MGRN1: variants seen among roughly 807,000 people sequenced by gnomAD.
MGRN1 encodes mahogunin ring finger 1, also known as E3 ubiquitin-protein ligase MGRN1.
A neutral mutation model predicts 69.2 loss-of-function variants in MGRN1; 29 were observed. The observed-to-expected ratio is 0.42, with a 90% CI of 0.31 to 0.57. The LOEUF (loss-of-function observed/expected upper bound fraction) is 0.57. Among genes scored for constraint, MGRN1 ranks in the 20% least tolerant of loss-of-function variants. The pLI, the probability that MGRN1 is intolerant of heterozygous loss-of-function variation, is 0.15. For missense variants in MGRN1, 998 were observed against 796.2 expected, an observed-to-expected ratio of 1.25 and a Z score of -3.05; for synonymous variants, 470 against 344.2, an observed-to-expected ratio of 1.37 and a Z score of -4.04.
intron 11 of MGRN1, among the ~76,000 whole-genome samples, chr16:4,677,912 A>T (rs1224309168): frequency 6.7e-6 from 1 of 149,912 alleles, no homozygotes; most frequent in East Asian, 2.0e-4. Flanking sequence ...AAAGTGGTGC[A>T]ATGTCAGCTC....
rs555718012 is a variant in MGRN1 at position 4,651,878 on chromosome 16, G to C, written c.208-85G>C. 18 of 1,188,988 alleles carry C rather than the reference G, an allele frequency of 1.5e-5. No individual in the cohort carries two copies. In the African/African-American group the frequency reaches 2.7e-4, roughly 18 times the overall value. The allele number at this position is 1,188,988 out of a possible 1,614,324, so 73.7% of individuals were successfully genotyped here. A position where few individuals can be genotyped will look rare whatever the true frequency, so the allele number is the denominator to read the frequency against. On this transcript the variant is annotated intron_variant, in intron 2 of 16. Transcript: ENST00000262370. ...ACTAGATCCCAGGGATACCCTCTGG[G>C]GCTGTGGCTGCTGCACCCTGACCCG...
intron 1 of MGRN1, among the ~76,000 whole-genome samples, chr16:4,635,187 G>A (rs1014005023): frequency 2.6e-5 from 4 of 152,230 alleles, no homozygotes; most frequent in Middle Eastern, 3.4e-3. Context: ...TGAGGCAGGC[G>A]GATCACTTGA....
At chr16:4,675,783 A>G (rs1335838298) in intron 10 of MGRN1, among the ~76,000 whole-genome samples, 1 of 150,358 alleles carries the variant, frequency 6.7e-6, no homozygotes, top group Admixed American at 6.6e-5. Context: ...TATGCTGGGT[A>G]GAAAATTGAC....
chr16:4,683,075 G>C (rs1315099594), intron 14 of MGRN1, 129 bp downstream of exon 14: 1 of 1,490,576 alleles, frequency 6.7e-7, no homozygotes, highest in Non-Finnish European at 9.1e-7. Context: ...TTGCTGAGCT[G>C]CGCGGCTCCT....
At chr16:4,643,717 G>A (rs541333441) in intron 1 of MGRN1, among the ~76,000 whole-genome samples, 2 of 152,066 alleles carry the variant, frequency 1.3e-5, no homozygotes, top group African/African-American at 2.4e-5. Flanking sequence ...CAAAATATGC[G>A]CACCAATTGA....
chr16:4,664,590 C>T (rs187183035), intron 5 of MGRN1, 119 bp from the exon 6 acceptor site: 111 of 1,046,398 alleles, frequency 1.1e-4, no homozygotes, highest in Non-Finnish European at 1.5e-4. Context: ...GGCGTGTCCT[C>T]TGAGCTCTGC....
intron 1 of MGRN1, among the ~76,000 whole-genome samples, chr16:4,639,572 C>T (rs944821295): frequency 6.6e-6 from 1 of 152,204 alleles, no homozygotes; most frequent in Non-Finnish European, 1.5e-5. Context: ...CTGCCTATGA[C>T]TTGGGCATCC....
At chr16:4,634,084 C>T (rs1898154373) in intron 1 of MGRN1, among the ~76,000 whole-genome samples, 1 of 152,222 alleles carries the variant, frequency 6.6e-6, no homozygotes. Context: ...GTGGGAGGAG[C>T]ACTAGCTTCA....
chr16:4,667,077 C>T (rs906966629), intron 7 of MGRN1, among the ~76,000 whole-genome samples: 2 of 152,228 alleles, frequency 1.3e-5, no homozygotes, highest in African/African-American at 4.8e-5. Flanking sequence ...ATCCTGCTGC[C>T]TAGGAGTCGG....
chr16:4,664,643 G>A (rs2141923125), intron 5 of MGRN1, 66 bp from the exon 6 acceptor site: 1 of 1,549,622 alleles, frequency 6.5e-7, no homozygotes, highest in East Asian at 2.2e-5. Flanking sequence ...CTCATTTGTT[G>A]ACCGACTCCA....
intron 6 of MGRN1, 43 bp from the exon 7 acceptor site, chr16:4,665,059 G>A: frequency 1.9e-6 from 3 of 1,611,146 alleles, no homozygotes; most frequent in East Asian, 2.2e-5. Context: ...CCTGGGTGGG[G>A]CAGGCCCCGA....
intron 11 of MGRN1, among the ~76,000 whole-genome samples, chr16:4,678,300 C>G (rs1347867072): frequency 6.6e-6 from 1 of 152,040 alleles, no homozygotes; most frequent in Non-Finnish European, 1.5e-5. Flanking sequence ...GAGGTGGAAC[C>G]CTGGCTTCAA....
chr16:4,677,552 C>G lies in MGRN1; in HGVS notation c.1045C>G (p.Leu349Val). Residue 349 changes from leucine to valine, a missense_variant, in exon 11 of 17, where the codon CTG becomes GTG. Transcript: ENST00000262370. ...CTTCAGCCCCGTCCTGGCCCAGAGC[C>G]TGGAGCATGATGAGCACTCTGTAAG... is the stretch of plus-strand genomic sequence containing the variant. The part of the protein sequence containing the change: ...VSFSPVLAQS[L>V]EHDEHSCPFK... The G allele has an allele frequency of 6.2e-7, 1 of 1,600,126 alleles. No individual in the cohort carries two copies. Among genetic ancestry groups the G allele is most frequent in the Non-Finnish European group, 8.5e-7 (1 of 1,179,636 alleles).
At chr16:4,644,909 T>C (rs1480698910) in intron 1 of MGRN1, among the ~76,000 whole-genome samples, 1 of 152,168 alleles carries the variant, frequency 6.6e-6, no homozygotes, top group Admixed American at 6.5e-5. Context: ...TTTTGTGATA[T>C]TACAACCATT....
intron 5 of MGRN1, chr16:4,659,246 C>G (rs1031032390): frequency 2.6e-5 from 4 of 152,270 alleles, no homozygotes; most frequent in African/African-American, 9.7e-5. Flanking sequence ...TCTGTCCTCT[C>G]CCGGCATCAC....
intron 1 of MGRN1, among the ~76,000 whole-genome samples, chr16:4,627,542 C>T (rs1253602429): frequency 6.6e-6 from 1 of 152,256 alleles, no homozygotes; most frequent in East Asian, 1.9e-4. Context: ...AATCCCATCA[C>T]TTTGGGAGGC....
intron 16 of MGRN1, chr16:4,686,219 C>G (rs747140567): frequency 6.5e-7 from 1 of 1,538,398 alleles, no homozygotes; most frequent in African/African-American, 1.4e-5. Context: ...TGCGCGCTTG[C>G]TAACCGAGCT....
rs188804276 is a variant in MGRN1, at chr16:4,651,839, G to A, written c.208-124G>A. On this transcript the variant is annotated intron_variant, in intron 2 of 16. Transcript: ENST00000262370. ...AAATGAGAACAGTGCACCCAGTATA[G>A]CCCCTCCCATGGGACTAGATCCCAG... 1.1e-4 allele frequency: 90 copies of A among 838,808 alleles called. No individual in the cohort carries two copies. The East Asian group carries it at 1.9e-3, about 18-fold the overall frequency. 52.0% of individuals were successfully genotyped at this position (838,808 alleles called of 1,614,324 possible).
At chr16:4,684,690 G>A (rs1377155522) in intron 16 of MGRN1, among the ~76,000 whole-genome samples, 2 of 152,272 alleles carry the variant, frequency 1.3e-5, no homozygotes, top group South Asian at 4.1e-4. Context: ...AAGATCCTCA[G>A]TTTCGAATCC....
Sources: allele counts gnomAD v4.1 joint callset (sites outside exome capture counted in the v4.1 genomes callset), GRCh38; gene constraint gnomAD v4.1.1; transcripts MANE v1.5; gene names NCBI Gene and HGNC (gene_info 2026-07-23, HGNC 2026-07-21).